B3GALT1: variants seen among roughly 807,000 people sequenced by gnomAD.
B3GALT1 encodes the protein UDP-Gal:betaGlcNAc beta 1,3-galactosyltransferase, polypeptide 1.
A neutral mutation model predicts 23.2 loss-of-function variants in B3GALT1; 10 were observed. That is an observed-to-expected ratio of 0.43 (90% CI 0.27 to 0.73). The LOEUF (loss-of-function observed/expected upper bound fraction) is 0.73, where lower values mean the gene tolerates loss of function less well. Among genes scored for constraint, B3GALT1 ranks in the 30% least tolerant of loss-of-function variants. The pLI, the probability that B3GALT1 is intolerant of heterozygous loss-of-function variation, is 0.21. For synonymous variants in B3GALT1, 156 were observed against 141.5 expected, an observed-to-expected ratio of 1.10 and a Z score of -0.73; for missense variants, 299 against 405.4, an observed-to-expected ratio of 0.74 and a Z score of 2.25.
chr2:167,854,356 G>A (rs1267407549), intron 4 of B3GALT1, among the ~76,000 whole-genome samples: 37 of 152,118 alleles, frequency 2.4e-4, no homozygotes, highest in Non-Finnish European at 1.5e-5. Context: ...GCTTGACCTG[G>A]ATTTATTAAC....
intron 3 of B3GALT1, among the ~76,000 whole-genome samples, chr2:167,662,150 A>C (rs915310444): frequency 6.6e-6 from 1 of 152,068 alleles, no homozygotes; most frequent in South Asian, 2.1e-4. Flanking sequence ...CTGTGGTATA[A>C]TTCAAATAAA....
rs1267756610 is a variant in B3GALT1 at position 167,869,312 on chromosome 2, T to C, written c.273T>C (p.Phe91=). ...VILISTTHKE[F]DARQAIRETW... is the part of the protein sequence containing the mutation. ...TCATCAGCACCACTCACAAGGAATT[T>C]GATGCCCGTCAGGCAATCAGAGAGA... The change falls in exon 5 of 5, where the codon TTT becomes TTC. Residue 91 remains phenylalanine, a synonymous_variant. Transcript: ENST00000392690. The surrounding 1 kb of genome is among the most constrained non-coding windows in gnomAD (Gnocchi z 6.4). 1 of 1,614,178 alleles carries C rather than the reference T, an allele frequency of 6.2e-7. No individual in the cohort carries two copies.
At chr2:167,388,241 G>A (rs1279848757) in intron 1 of B3GALT1, among the ~76,000 whole-genome samples, 5 of 152,172 alleles carry the variant, frequency 3.3e-5, no homozygotes, top group African/African-American at 1.2e-4. Context: ...ACTGATGAGT[G>A]TAAAATAAAC....
In B3GALT1 at chr2:167,472,800, G is replaced by A. The variant is rs371131459; in HGVS notation, c.-510-17377G>A. On this transcript the variant is annotated intron_variant, in intron 1 of 4. Coordinates refer to ENST00000392690, the MANE Select transcript of B3GALT1 (RefSeq NM_020981.4). ...CAGTATCTAAGGAGCAGAGCTGTCA[G>A]ATGTTAAGTGAAACATGGTGAAAAA... 1.8e-4 allele frequency among the ~76,000 whole-genome samples: 27 copies of A among 152,188 alleles called. No individual in the cohort carries two copies. In the South Asian group the frequency reaches 5.6e-3, roughly 32 times the overall value.
chr2:167,548,551 G>A (rs1194140315), intron 2 of B3GALT1, among the ~76,000 whole-genome samples: 1 of 152,112 alleles, frequency 6.6e-6, no homozygotes, highest in African/African-American at 2.4e-5. Flanking sequence ...GCATAGGTGT[G>A]GCTGGAGCTT....
chr2:167,301,614 A>C (rs1250109832), intron 1 of B3GALT1, among the ~76,000 whole-genome samples: 1 of 152,038 alleles, frequency 6.6e-6, no homozygotes, highest in Non-Finnish European at 1.5e-5. Flanking sequence ...GCAATGGCAC[A>C]CTCTCAGCTC....
At chr2:167,614,730 C>T (rs1685127911) in intron 2 of B3GALT1, among the ~76,000 whole-genome samples, 1 of 151,902 alleles carries the variant, frequency 6.6e-6, no homozygotes, top group African/African-American at 2.4e-5. Flanking sequence ...AATTTAAATG[C>T]AAATTGGATT....
At chr2:167,477,275 A>C (rs1344002395) in intron 1 of B3GALT1, among the ~76,000 whole-genome samples, 1 of 152,210 alleles carries the variant, frequency 6.6e-6, no homozygotes. Context: ...CTGGAGGTAC[A>C]GGATGAAATG....
At chr2:167,498,728 G>T (rs571719106) in intron 2 of B3GALT1, among the ~76,000 whole-genome samples, 1 of 152,150 alleles carries the variant, frequency 6.6e-6, no homozygotes, top group African/African-American at 2.4e-5. Flanking sequence ...AGTTATATGG[G>T]ACGTTCTGAA....
intron 4 of B3GALT1, among the ~76,000 whole-genome samples, chr2:167,826,726 T>C (rs1054262004): frequency 6.6e-6 from 1 of 152,134 alleles, no homozygotes; most frequent in African/African-American, 2.4e-5. Flanking sequence ...GGATTGAAAA[T>C]GTTTGTAAAA....
intron 1 of B3GALT1, among the ~76,000 whole-genome samples, chr2:167,434,247 A>G (rs1698744903): frequency 6.6e-6 from 1 of 152,126 alleles, no homozygotes; most frequent in Non-Finnish European, 1.5e-5. Context: ...ATATTCTTAG[A>G]TCTCTTTCAC....
At chr2:167,769,086 A>G (rs1688027495) in intron 3 of B3GALT1, among the ~76,000 whole-genome samples, 1 of 152,146 alleles carries the variant, frequency 6.6e-6, no homozygotes, top group Admixed American at 6.5e-5. Flanking sequence ...GAAGGAAAAA[A>G]ATGTATTTGA....
intron 3 of B3GALT1, among the ~76,000 whole-genome samples, chr2:167,754,073 T>C (rs939697083): frequency 6.6e-6 from 1 of 152,334 alleles, no homozygotes. Flanking sequence ...AAATATTCCC[T>C]TATTGATCTT....
intron 1 of B3GALT1, among the ~76,000 whole-genome samples, chr2:167,302,611 TTAAAA>T (rs1345248118): frequency 6.6e-6 from 1 of 152,124 alleles, no homozygotes; most frequent in Non-Finnish European, 1.5e-5. Flanking sequence ...CATTTTGTAA[TTAAAA>T]TAAATTTTTT....
chr2:167,681,873 T>G (rs760065149), intron 3 of B3GALT1, among the ~76,000 whole-genome samples: 10 of 152,218 alleles, frequency 6.6e-5, no homozygotes, highest in Non-Finnish European at 1.5e-4. Flanking sequence ...TTCAGAACAA[T>G]GAAGAATTAT....
At chr2:167,768,882 A>G (rs953568142) in intron 3 of B3GALT1, among the ~76,000 whole-genome samples, 2 of 152,120 alleles carry the variant, frequency 1.3e-5, no homozygotes, top group African/African-American at 2.4e-5. Flanking sequence ...TTTGAATCCT[A>G]TTTGCTTTTC....
At chr2:167,535,042 C>A (rs773099175) in intron 2 of B3GALT1, among the ~76,000 whole-genome samples, 1 of 152,152 alleles carries the variant, frequency 6.6e-6, no homozygotes, top group Non-Finnish European at 1.5e-5. Context: ...CCAAGGGTCA[C>A]TTCTAGGACC....
intron 2 of B3GALT1, among the ~76,000 whole-genome samples, chr2:167,499,638 T>G (rs374159745): frequency 6.6e-6 from 1 of 152,064 alleles, no homozygotes; most frequent in African/African-American, 2.4e-5. Flanking sequence ...AAAACAGAAA[T>G]CTTAATTTTT....
In B3GALT1 at chr2:167,869,692, G is replaced by T; in HGVS notation, c.653G>T (p.Ser218Ile). 6.2e-7 allele frequency: 1 copy of T among 1,614,160 alleles called. No individual in the cohort carries two copies. The highest frequency in any genetic ancestry group is 8.5e-7 in the Non-Finnish European group (1 of 1,180,002). ...INGGPIRDVR[S>I]KWYMPRDLYP... ...GGAGGACCGATTCGGGATGTCCGCA[G>T]TAAGTGGTATATGCCCAGGGATTTG... is the stretch of plus-strand genomic sequence containing the variant. Residue 218 changes from serine (S) to isoleucine (I), a missense_variant, in exon 5 of 5, where the codon AGT becomes ATT. By Grantham distance (142) the Ser-to-Ile change is moderately radical. Coordinates refer to ENST00000392690, the MANE Select transcript of B3GALT1 (RefSeq NM_020981.4). The surrounding 1 kb of genome is among the most constrained non-coding windows in gnomAD (Gnocchi z 6.4).
Sources: allele counts gnomAD v4.1 joint callset (sites outside exome capture counted in the v4.1 genomes callset), GRCh38; gene constraint gnomAD v4.1.1; non-coding constraint Gnocchi (gnomAD v3.1); transcripts MANE v1.5; gene names NCBI Gene and HGNC (gene_info 2026-07-23, HGNC 2026-07-21).